The following ADI1 variants were observed in gnomAD, a reference collection of about 807,000 sequenced individuals.
The protein encoded by ADI1 is acireductone dioxygenase.
Under a neutral mutation model 18.7 loss-of-function variants are expected in ADI1, and 21 were observed. The ratio of observed to expected loss-of-function variants is 1.13; its 90% confidence interval spans 0.80 to 1.62. The LOEUF (loss-of-function observed/expected upper bound fraction) is 1.62. Ranked by LOEUF, ADI1 falls within the 40% of genes most tolerant of loss-of-function variation. The pLI, the probability that ADI1 is intolerant of heterozygous loss-of-function variation, is 0.00. For synonymous variants in ADI1, 90 were observed against 100.1 expected (o/e 0.90, Z 0.60); for missense variants, 245 against 254.9 (o/e 0.96, Z 0.26).
rs566445734 is a variant in ADI1, at chr2:3,510,269, T to G, written c.240+3588A>C. On this transcript the variant is annotated intron_variant, in intron 2 of 3. Transcript: ENST00000327435. ...ATTCAAGACTGCAGTGAGCTATGAT[T>G]GCACCACTGCACTTTAGCCTGGGTG... Among the ~76,000 whole-genome samples the G allele has an allele frequency of 9.6e-4, 146 of 152,190 alleles. 1 individual carries two copies. The highest frequency in any genetic ancestry group is 6.8e-3 in the Middle Eastern group (2 of 292).
chr2:3,510,650 C>T (rs892099788), intron 2 of ADI1, among the ~76,000 whole-genome samples: 2 of 152,102 alleles, frequency 1.3e-5, no homozygotes, highest in Non-Finnish European at 2.9e-5. Context: ...AGAAAATATT[C>T]CAAATATTTT....
chr2:3,506,341 A>G (rs1273360246), intron 2 of ADI1, among the ~76,000 whole-genome samples: 2 of 152,264 alleles, frequency 1.3e-5, no homozygotes, highest in African/African-American at 4.8e-5. Flanking sequence ...CTAACAAGCA[A>G]TCATGGCAAG....
At chr2:3,509,382 C>G (rs1667247437) in intron 2 of ADI1, among the ~76,000 whole-genome samples, 1 of 152,144 alleles carries the variant, frequency 6.6e-6, no homozygotes, top group African/African-American at 2.4e-5. Flanking sequence ...CCATTCTTCT[C>G]AAGCTCACAT....
chr2:3,499,224 G>C (rs1666938707), intron 3 of ADI1, 142 bp from the exon 4 acceptor site: 8 of 1,372,520 alleles, frequency 5.8e-6, no homozygotes, highest in Non-Finnish European at 7.7e-6. Context: ...AACAATTTAG[G>C]CCACATTTTA....
At chr2:3,499,645 T>A (rs1666948969) in intron 3 of ADI1, among the ~76,000 whole-genome samples, 1 of 152,210 alleles carries the variant, frequency 6.6e-6, no homozygotes, top group African/African-American at 2.4e-5. Flanking sequence ...TTGAGAACAA[T>A]GTATATACTC....
intron 1 of ADI1, chr2:3,516,946 C>G: frequency 1.0e-6 from 1 of 985,086 alleles, no homozygotes; most frequent in Non-Finnish European, 1.2e-6. Context: ...GATGAGGTCT[C>G]AAACTTCTGG....
chr2:3,515,020 ATTGTG>A (rs1224289709), intron 1 of ADI1: 1 of 733,192 alleles, frequency 1.4e-6, no homozygotes, highest in Non-Finnish European at 2.0e-6. Context: ...CACTGTGATA[ATTGTG>A]TTAACTGTAC....
intron 2 of ADI1, among the ~76,000 whole-genome samples, chr2:3,511,985 T>C (rs1271519142): frequency 6.6e-6 from 1 of 152,226 alleles, no homozygotes; most frequent in Non-Finnish European, 1.5e-5. Flanking sequence ...GTAGAAGAAA[T>C]TTCTAAGCAC....
chr2:3,505,503 C>G (rs1466556342), intron 2 of ADI1, among the ~76,000 whole-genome samples: 1 of 152,172 alleles, frequency 6.6e-6, no homozygotes, highest in South Asian at 2.1e-4. Context: ...CAGTGAGTAT[C>G]AGGGAAAATT....
chr2:3,504,218 T>C (rs1422388587), intron 2 of ADI1, among the ~76,000 whole-genome samples: 1 of 152,200 alleles, frequency 6.6e-6, no homozygotes, highest in Non-Finnish European at 1.5e-5. Context: ...CTGCGTAGGA[T>C]TCCGCTACAA....
In ADI1 at chr2:3,498,396, C is replaced by A. The variant is rs1666912958; in HGVS notation, c.*567G>T. 1 of 152,162 alleles carries A rather than the reference C, an allele frequency of 6.6e-6. No individual in the cohort carries two copies. The highest frequency in any genetic ancestry group is 2.1e-4 in the South Asian group (1 of 4,832). The allele number at this position is 152,162 out of a possible 1,614,324, so 9.4% of individuals were successfully genotyped here. ...AGGAATCTAAATGGGGCAATTTTAA[C>A]AAACCAGGCAAAATATCACATATAC... is the stretch of plus-strand genomic sequence containing the variant. On this transcript the variant is annotated 3_prime_UTR_variant, in exon 4 of 4. Coordinates refer to ENST00000327435, the MANE Select transcript of ADI1 (RefSeq NM_018269.4).
intron 2 of ADI1, among the ~76,000 whole-genome samples, chr2:3,503,375 A>G (rs1019487924): frequency 9.7e-6 from 1 of 102,940 alleles, no homozygotes; most frequent in Non-Finnish European, 1.8e-5. Context: ...ACATGCACAC[A>G]TACACACGTA....
intron 1 of ADI1, chr2:3,516,980 C>T (rs1026357624): frequency 5.8e-5 from 57 of 974,942 alleles, no homozygotes; most frequent in Non-Finnish European, 6.8e-5. Context: ...GCCGCCTCAG[C>T]CTCCCAAAGT....
intron 2 of ADI1, among the ~76,000 whole-genome samples, chr2:3,512,164 G>A (rs758489426): frequency 2.0e-4 from 30 of 152,214 alleles, no homozygotes; most frequent in Non-Finnish European, 3.4e-4. Flanking sequence ...TTTTGAGAGA[G>A]GATTTCAAGC....
chr2:3,517,866 A>G (rs1352615538), intron 1 of ADI1: 2 of 152,252 alleles, frequency 1.3e-5, no homozygotes, highest in Admixed American at 6.5e-5. Flanking sequence ...CGGTAGGAAA[A>G]ACTATGTTTG....
chr2:3,513,834 C>T (rs763208739), intron 2 of ADI1, 23 bp downstream of exon 2: 2 of 1,576,284 alleles, frequency 1.3e-6, no homozygotes, highest in South Asian at 2.4e-5. Context: ...ACTTCTTTTC[C>T]AGGTAATCCA....
intron 2 of ADI1, among the ~76,000 whole-genome samples, chr2:3,504,211 C>T (rs1667121582): frequency 6.6e-6 from 1 of 152,200 alleles, no homozygotes; most frequent in Non-Finnish European, 1.5e-5. Context: ...AACACCACTG[C>T]GTAGGATTCC....
chr2:3,516,709 T>C, intron 1 of ADI1: 5 of 983,230 alleles, frequency 5.1e-6, no homozygotes, highest in Non-Finnish European at 6.0e-6. Context: ...CATTTTGTTA[T>C]AGCAGCAGGT....
intron 1 of ADI1, among the ~76,000 whole-genome samples, chr2:3,514,254 T>C (rs533421117): frequency 1.3e-5 from 2 of 152,326 alleles, no homozygotes; most frequent in Admixed American, 1.3e-4. Context: ...GAGATGGTAG[T>C]CTCACCACCT....
Sources: gnomAD v4.1 joint callset for allele counts (sites outside exome capture counted in the v4.1 genomes callset) on GRCh38, gnomAD v4.1.1 for gene constraint, MANE v1.5 for transcripts, NCBI Gene and HGNC (gene_info 2026-07-23, HGNC 2026-07-21) for gene names.